The following WWP1 variants were observed in gnomAD, a reference collection of about 807,000 sequenced individuals.
The protein encoded by WWP1 is NEDD4-like E3 ubiquitin-protein ligase WWP1.
A neutral mutation model predicts 130.6 loss-of-function variants in WWP1; 49 were observed. The ratio of observed to expected loss-of-function variants is 0.38; its 90% confidence interval spans 0.30 to 0.48. The LOEUF is 0.48. Ranked by LOEUF, WWP1 falls within the 20% of genes least tolerant of loss-of-function variation. WWP1 has a pLI of 0.99. For missense variants in WWP1, 809 were observed against 1,100.6 expected (o/e 0.74, Z 3.75); for synonymous variants, 332 against 367.8 (o/e 0.90, Z 1.11).
chr8:86,356,152 G>A lies in WWP1; in HGVS notation c.-114-12787G>A, dbSNP rs536004518. 1.4e-4 allele frequency among the ~76,000 whole-genome samples: 11 copies of A among 78,504 alleles called. No homozygotes were observed. The South Asian group carries it at 3.5e-3, about 25-fold the overall frequency. 51.5% of individuals were successfully genotyped at this position (78,504 alleles called of 152,430 possible). A position where few individuals can be genotyped will look rare whatever the true frequency, so the allele number is the denominator to read the frequency against. ...GTTATATTTTGGAGTCAGAGGCCTG[G>A]TTCAGGTTCCGTGTTTTAAGACTGG... is the stretch of plus-strand genomic sequence containing the variant. On this transcript the variant is annotated intron_variant, in intron 1 of 24. Coordinates refer to ENST00000517970, the MANE Select transcript of WWP1 (RefSeq NM_007013.4).
At chr8:86,382,805 T>G (rs1165635177) in intron 5 of WWP1, among the ~76,000 whole-genome samples, 1 of 152,250 alleles carries the variant, frequency 6.6e-6, no homozygotes, top group Non-Finnish European at 1.5e-5. Context: ...CTTAAGTAGC[T>G]TGTAACAGTT....
chr8:86,344,237 G>A (rs1822429744), intron 1 of WWP1, among the ~76,000 whole-genome samples: 1 of 152,072 alleles, frequency 6.6e-6, no homozygotes, highest in South Asian at 2.1e-4. Context: ...TAGTTCTTTG[G>A]GACATAGCTT....
intron 3 of WWP1, among the ~76,000 whole-genome samples, chr8:86,379,620 T>C (rs1251765244): frequency 6.6e-6 from 1 of 152,202 alleles, no homozygotes; most frequent in South Asian, 2.1e-4. Context: ...GATTTCTTCA[T>C]ATCTCAGGTA....
At chr8:86,409,481 G>A (rs565522130) in intron 8 of WWP1, among the ~76,000 whole-genome samples, 19 of 150,212 alleles carry the variant, frequency 1.3e-4, no homozygotes, top group Admixed American at 8.6e-4. Context: ...TGATCCACCC[G>A]CCTCGGCCTC....
At chr8:86,383,431 C>T (rs566491017) in intron 5 of WWP1, among the ~76,000 whole-genome samples, 19 of 152,154 alleles carry the variant, frequency 1.2e-4, no homozygotes, top group Non-Finnish European at 2.2e-4. Flanking sequence ...ATGAAGCCCT[C>T]ACGAATTGTA....
At chr8:86,453,956 G>C (rs1395851034) in intron 21 of WWP1, among the ~76,000 whole-genome samples, 1 of 152,034 alleles carries the variant, frequency 6.6e-6, no homozygotes, top group African/African-American at 2.4e-5. Flanking sequence ...AAGAAACTTG[G>C]TTCTTTCATG....
At chr8:86,367,757 C>T (rs185567969) in intron 1 of WWP1, among the ~76,000 whole-genome samples, 341 of 152,286 alleles carry the variant, frequency 2.2e-3, no homozygotes, top group Non-Finnish European at 4.0e-3. Flanking sequence ...TCTGTCTTCT[C>T]ATATCCTGGG....
chr8:86,466,069 C>G (rs1336781826), intron 24 of WWP1, among the ~76,000 whole-genome samples: 3 of 152,156 alleles, frequency 2.0e-5, no homozygotes, highest in Non-Finnish European at 4.4e-5. Flanking sequence ...CTAGTCACTG[C>G]TACTGTAGGG....
At position 86,448,144 on chromosome 8, in the gene WWP1, G is replaced by C. The variant is rs760579564; in HGVS notation, c.1999-4G>C. On this transcript the variant is annotated splice_region_variant and splice_polypyrimidine_tract_variant and intron_variant, in intron 18 of 24. Coordinates refer to ENST00000517970, the MANE Select transcript of WWP1 (RefSeq NM_007013.4). ...TAAATAAAATTTTTCATTTTTCTTT[G>C]CAGGCACTATTTCATGGAAAGTTTA... 2.6e-6 allele frequency: 4 copies of C among 1,543,374 alleles called. No homozygotes were observed. In the South Asian group the frequency reaches 5.2e-5, roughly 20 times the overall value.
intron 18 of WWP1, among the ~76,000 whole-genome samples, chr8:86,445,622 G>C (rs13264177): frequency 1.3e-5 from 2 of 152,146 alleles, no homozygotes; most frequent in Non-Finnish European, 2.9e-5. Flanking sequence ...GGAACATACA[G>C]TGCTTGTGTC....
chr8:86,371,462 TATAAGAGCCACCACTGTTGC>T (rs1824294242), intron 2 of WWP1, among the ~76,000 whole-genome samples: 1 of 152,222 alleles, frequency 6.6e-6, no homozygotes, highest in African/African-American at 2.4e-5. Flanking sequence ...ACCAGCGGTG[TATAAGAGCCACCACTGTTGC>T]ATGTTTTTTG....
At chr8:86,348,282 A>G (rs1378576906) in intron 1 of WWP1, among the ~76,000 whole-genome samples, 2 of 151,650 alleles carry the variant, frequency 1.3e-5, no homozygotes, top group Non-Finnish European at 2.9e-5. Flanking sequence ...GCAATGGCGC[A>G]ATCTTGGCTC....
At chr8:86,452,526 TTACC>T in intron 20 of WWP1, 29 bp from the exon 21 acceptor site, 1 of 1,556,808 alleles carries the variant, frequency 6.4e-7, no homozygotes, top group South Asian at 1.2e-5. Context: ...CACATATAAA[TTACC>T]TATTTTTAAA....
At chr8:86,379,400 GATT>G (rs1824857492) in intron 3 of WWP1, among the ~76,000 whole-genome samples, 1 of 152,070 alleles carries the variant, frequency 6.6e-6, no homozygotes, top group Non-Finnish European at 1.5e-5. Context: ...TGACTATTTA[GATT>G]ATTATTCTCT....
chr8:86,369,667 T>C (rs1167120438), intron 2 of WWP1, among the ~76,000 whole-genome samples: 1 of 152,202 alleles, frequency 6.6e-6, no homozygotes, highest in African/African-American at 2.4e-5. Context: ...TTTAATTCCC[T>C]AATAAGGTTC....
chr8:86,380,190 T>G (rs1178708151), intron 3 of WWP1, among the ~76,000 whole-genome samples: 1 of 152,128 alleles, frequency 6.6e-6, no homozygotes, highest in Non-Finnish European at 1.5e-5. Context: ...GGAGTACTGG[T>G]GCATGTTACA....
rs1807805976 is a variant in WWP1, at chr8:86,398,598, T to C, written c.499T>C (p.Leu167=). 1 of 1,612,794 alleles carries C rather than the reference T, an allele frequency of 6.2e-7. No individual in the cohort carries two copies. The highest frequency in any genetic ancestry group is 1.3e-5 in the African/African-American group (1 of 74,894). The part of the protein sequence containing the change: ...TIEIQENGDA[L]HENGEPSART... ...AGAAATACAGGAAAATGGTGATGCC[T>C]TACATGAAAATGGAGAGCCTTCAGC... The change falls in exon 7 of 25, where the codon TTA becomes CTA. Residue 167 remains leucine (L), a synonymous_variant. Coordinates refer to ENST00000517970, the MANE Select transcript of WWP1 (RefSeq NM_007013.4).
intron 1 of WWP1, among the ~76,000 whole-genome samples, chr8:86,357,913 G>A (rs1406489943): frequency 2.0e-5 from 3 of 152,112 alleles, no homozygotes; most frequent in South Asian, 2.1e-4. Flanking sequence ...GGGCTTTCAC[G>A]GCTTGGTGTT....
In WWP1 at chr8:86,448,442, T is replaced by A. The variant is rs758619244; in HGVS notation, c.2202T>A (p.Val734=). The A allele has an allele frequency of 5.0e-5, 80 of 1,613,664 alleles. No homozygotes were observed. Among genetic ancestry groups the A allele is most frequent in the Admixed American group, 1.2e-4 (7 of 60,004 alleles). ...TTGACATGGAGATTTTGGGAAAAGT[T>A]ACTTCACATGACCTGAAGTTGGGAG... The part of the protein sequence containing the change: ...FSVDMEILGK[V]TSHDLKLGGS... Residue 734 remains valine (V), a synonymous_variant, in exon 20 of 25, where the codon GTT becomes GTA. Coordinates refer to ENST00000517970, the MANE Select transcript of WWP1 (RefSeq NM_007013.4).
Sources: allele counts gnomAD v4.1 joint callset (sites outside exome capture counted in the v4.1 genomes callset), GRCh38; gene constraint gnomAD v4.1.1; transcripts MANE v1.5; gene names NCBI Gene and HGNC (gene_info 2026-07-23, HGNC 2026-07-21).